The following SLC24A2 variants were observed in gnomAD, a reference collection of about 807,000 sequenced individuals.
SLC24A2 encodes solute carrier family 24 member 2.
In SLC24A2, 36 loss-of-function variants were observed where a neutral mutation model predicts 62.0. The ratio of observed to expected loss-of-function variants is 0.58; its 90% CI spans 0.44 to 0.77. SLC24A2 has a LOEUF of 0.77. Among genes scored for constraint, SLC24A2 ranks in the 30% least tolerant of loss-of-function variants. The pLI is 0.00. For synonymous variants in SLC24A2, 358 were observed against 294.0 expected (o/e 1.22, Z -2.23); for missense variants, 846 against 817.9 (o/e 1.03, Z -0.42).
At chr9:19,530,175 T>C (rs1833635222) in intron 8 of SLC24A2, among the ~76,000 whole-genome samples, 1 of 151,616 alleles carries the variant, frequency 6.6e-6, no homozygotes, top group African/African-American at 2.4e-5. Context: ...CCAAGGCATT[T>C]AGCTTATTAA....
the SLC24A2 span, among the ~76,000 whole-genome samples, chr9:20,036,331 G>T: frequency 6.6e-6 from 1 of 151,948 alleles, no homozygotes; most frequent in African/African-American, 2.4e-5. Context: ...TTGTTGTAAT[G>T]GGAACATTTG....
the SLC24A2 span, among the ~76,000 whole-genome samples, chr9:19,873,406 CTCTT>C: frequency 6.6e-4 from 93 of 140,554 alleles, no homozygotes; most frequent in African/African-American, 1.7e-3. Context: ...TTCCTTCCTT[CTCTT>C]TCTTTCTTTC....
intron 7 of SLC24A2, among the ~76,000 whole-genome samples, chr9:19,566,972 G>T (rs1835676937): frequency 6.6e-6 from 1 of 151,732 alleles, no homozygotes; most frequent in African/African-American, 2.4e-5. Flanking sequence ...GGGTGGGGGA[G>T]GGGGGATGGA....
the SLC24A2 span, among the ~76,000 whole-genome samples, chr9:19,797,589 T>A: frequency 2.0e-5 from 3 of 152,228 alleles, no homozygotes; most frequent in African/African-American, 7.2e-5. Flanking sequence ...GCATAATTTC[T>A]CTTAGGCTGA....
At chr9:19,669,782 C>G (rs1023410897) in intron 2 of SLC24A2, among the ~76,000 whole-genome samples, 1 of 152,222 alleles carries the variant, frequency 6.6e-6, no homozygotes, top group Non-Finnish European at 1.5e-5. Context: ...CTGGATAATA[C>G]AGGGTGCTCT....
chr9:19,708,608 T>A (rs1170595839), intron 2 of SLC24A2, among the ~76,000 whole-genome samples: 1 of 152,192 alleles, frequency 6.6e-6, no homozygotes, highest in Admixed American at 6.5e-5. Flanking sequence ...GCCACATATC[T>A]ACAACCATCT....
At chr9:19,821,271 T>C in the SLC24A2 span, among the ~76,000 whole-genome samples, 8 of 152,130 alleles carry the variant, frequency 5.3e-5, no homozygotes, top group African/African-American at 1.7e-4. Context: ...TTTGATCACA[T>C]AGAATTTGTA....
the SLC24A2 span, among the ~76,000 whole-genome samples, chr9:20,292,211 G>T: frequency 6.6e-6 from 1 of 152,196 alleles, no homozygotes; most frequent in Non-Finnish European, 1.5e-5. Context: ...CTCCCAGATA[G>T]TTGGTGTCTT....
intron 7 of SLC24A2, among the ~76,000 whole-genome samples, chr9:19,568,009 T>C (rs1010533170): frequency 1.3e-5 from 2 of 152,188 alleles, no homozygotes; most frequent in African/African-American, 4.8e-5. Flanking sequence ...AGCAGGTTAA[T>C]TACACAAGGC....
rs1166260909 is a variant in SLC24A2, at chr9:19,786,293, A to T, written c.574T>A (p.Ser192Thr). The T allele has an allele frequency of 6.2e-7, 1 of 1,614,030 alleles. No individual in the cohort carries two copies. The highest frequency in any genetic ancestry group is 8.5e-7 in the Non-Finnish European group (1 of 1,180,032). The change falls in exon 2 of 11, where the codon TCT (serine) becomes ACT (threonine). Residue 192 changes from serine to threonine, a missense_variant. By Grantham distance (58) the Ser-to-Thr change is moderately conservative. Coordinates refer to ENST00000341998, the MANE Select transcript of SLC24A2 (RefSeq NM_020344.4). The surrounding 1 kb of genome is among the most constrained non-coding windows in gnomAD (Gnocchi z 5.0). Reference protein sequence around the residue: ...AGGSAPELFTSLIGVFIAHSN... With the variant: ...AGGSAPELFTTLIGVFIAHSN... ...TGAGCGATAAATACCCCTATGAGAG[A>T]TGTGAAAAGTTCTGGGGCTGACCCT...
the SLC24A2 span, among the ~76,000 whole-genome samples, chr9:19,975,988 C>G: frequency 6.6e-6 from 1 of 152,102 alleles, no homozygotes; most frequent in Admixed American, 6.5e-5. Context: ...CTCCTGGGCT[C>G]AAGCGATCCT....
chr9:20,043,768 T>A, the SLC24A2 span, among the ~76,000 whole-genome samples: 2 of 152,214 alleles, frequency 1.3e-5, no homozygotes, highest in African/African-American at 2.4e-5. Flanking sequence ...TTTATTGAGA[T>A]GCAATATGCT....
the SLC24A2 span, among the ~76,000 whole-genome samples, chr9:19,984,154 T>C: frequency 3.9e-5 from 6 of 152,200 alleles, no homozygotes; most frequent in African/African-American, 1.4e-4. Context: ...ATTGCTAAGA[T>C]GGAATACTAC....
At chr9:20,017,450 G>C in the SLC24A2 span, among the ~76,000 whole-genome samples, 1 of 152,142 alleles carries the variant, frequency 6.6e-6, no homozygotes, top group Non-Finnish European at 1.5e-5. Flanking sequence ...ACATTAGAAA[G>C]CATGTTTAGA....
chr9:20,226,092 G>A, the SLC24A2 span, among the ~76,000 whole-genome samples: 2 of 152,238 alleles, frequency 1.3e-5, no homozygotes, highest in East Asian at 3.9e-4. Flanking sequence ...AACCACATTG[G>A]AGAAAGTTCC....
rs2132607809 is a variant in SLC24A2 at position 19,512,194 on chromosome 9, A to G, written c.*3959T>C. 6.6e-6 allele frequency: 1 copy of G among 152,318 alleles called. No homozygotes were observed. Among genetic ancestry groups the G allele is most frequent in the South Asian group, 2.1e-4 (1 of 4,826 alleles). 9.4% of individuals were successfully genotyped at this position (152,318 alleles called of 1,614,324 possible). A position where few individuals can be genotyped will look rare whatever the true frequency, so the allele number is the denominator to read the frequency against. Reference sequence around the variant, plus strand: ...TCTCCCTGCCCAGGAATGGATGTACATTAACATTGTCAAATGTCTAATCAG... The same window carrying G: ...TCTCCCTGCCCAGGAATGGATGTACGTTAACATTGTCAAATGTCTAATCAG... On this transcript the variant is annotated 3_prime_UTR_variant, in exon 11 of 11. Transcript: ENST00000341998.
chr9:19,858,493 T>C, the SLC24A2 span, among the ~76,000 whole-genome samples: 1 of 152,114 alleles, frequency 6.6e-6, no homozygotes, highest in Non-Finnish European at 1.5e-5. Context: ...AAAAACAAAA[T>C]TGGCAAATGG....
intron 2 of SLC24A2, among the ~76,000 whole-genome samples, chr9:19,766,480 T>A (rs1159816265): frequency 6.6e-6 from 1 of 152,226 alleles, no homozygotes; most frequent in African/African-American, 2.4e-5. Context: ...AGATGGAGTT[T>A]TTGCATGGTC....
At chr9:19,915,469 C>A in the SLC24A2 span, among the ~76,000 whole-genome samples, 1 of 152,032 alleles carries the variant, frequency 6.6e-6, no homozygotes, top group Non-Finnish European at 1.5e-5. Flanking sequence ...ATTGTAGGGT[C>A]ATACGGCAAA....
Sources: allele counts gnomAD v4.1 joint callset (sites outside exome capture counted in the v4.1 genomes callset), GRCh38; gene constraint gnomAD v4.1.1; non-coding constraint Gnocchi (gnomAD v3.1); transcripts MANE v1.5; gene names NCBI Gene and HGNC (gene_info 2026-07-23, HGNC 2026-07-21).